The following KIAA0825 variants were observed in gnomAD, a reference collection of about 807,000 sequenced individuals.
KIAA0825 encodes KIAA0825.
Under a neutral mutation model 147.6 loss-of-function variants are expected in KIAA0825, and 119 were observed. The observed-to-expected ratio is 0.81, with a 90% CI of 0.69 to 0.94. KIAA0825 has a LOEUF of 0.94. Ranked by LOEUF, KIAA0825 falls within the 40% of genes least tolerant of loss-of-function variation. The probability of loss-of-function intolerance (pLI) is 0.00; values close to 1 mark genes in which losing one functional copy is unlikely to be tolerated. For missense variants in KIAA0825, 1,381 were observed against 1,472.7 expected (o/e 0.94, Z 1.02); for synonymous variants, 470 against 518.1 (o/e 0.91, Z 1.26).
intron 20 of KIAA0825, among the ~76,000 whole-genome samples, chr5:94,283,115 A>G (rs758800137): frequency 6.6e-5 from 10 of 152,100 alleles, no homozygotes; most frequent in South Asian, 6.2e-4. Context: ...TTCTAAATTC[A>G]GAGACTTTAT....
intron 20 of KIAA0825, among the ~76,000 whole-genome samples, chr5:94,297,289 A>G (rs937754798): frequency 1.3e-5 from 2 of 152,194 alleles, no homozygotes; most frequent in African/African-American, 4.8e-5. Flanking sequence ...TAGTAGATTC[A>G]AAATAACATA....
At chr5:94,440,878 A>G (rs549427449) in intron 13 of KIAA0825, among the ~76,000 whole-genome samples, 1 of 152,220 alleles carries the variant, frequency 6.6e-6, no homozygotes, top group East Asian at 1.9e-4. Context: ...TAAAATTTAG[A>G]TTGGCTAACA....
intron 12 of KIAA0825, among the ~76,000 whole-genome samples, chr5:94,456,458 T>G (rs1043990181): frequency 7.2e-5 from 11 of 152,138 alleles, no homozygotes; most frequent in African/African-American, 2.4e-4. Flanking sequence ...TAACTCTACC[T>G]CCAATCCCTT....
intron 2 of KIAA0825, among the ~76,000 whole-genome samples, chr5:94,555,854 CT>C (rs1252997332): frequency 2.6e-5 from 4 of 152,082 alleles, no homozygotes; most frequent in African/African-American, 9.7e-5. Flanking sequence ...ATTGCTGTAT[CT>C]GTTGAGATTA....
chr5:94,550,794 A>G (rs1255023882), intron 2 of KIAA0825, among the ~76,000 whole-genome samples: 1 of 151,532 alleles, frequency 6.6e-6, no homozygotes, highest in Non-Finnish European at 1.5e-5. Flanking sequence ...GTGAGCCCAG[A>G]TCGCACCACT....
At chr5:94,502,647 A>T (rs1765225296) in intron 5 of KIAA0825, among the ~76,000 whole-genome samples, 1 of 152,196 alleles carries the variant, frequency 6.6e-6, no homozygotes, top group African/African-American at 2.4e-5. Flanking sequence ...TAATTTTTGT[A>T]ATAGAAATGT....
chr5:94,489,233 T>C (rs572090990), intron 5 of KIAA0825, among the ~76,000 whole-genome samples: 3 of 152,246 alleles, frequency 2.0e-5, no homozygotes, highest in African/African-American at 7.2e-5. Context: ...GTAGTCACAG[T>C]GTGAAGGCTA....
At chr5:94,236,516 A>G (rs1403965484) in intron 20 of KIAA0825, among the ~76,000 whole-genome samples, 1 of 152,228 alleles carries the variant, frequency 6.6e-6, no homozygotes, top group Non-Finnish European at 1.5e-5. Flanking sequence ...AAAGACAACA[A>G]AGAATTTAGA....
intron 2 of KIAA0825, among the ~76,000 whole-genome samples, chr5:94,546,144 G>A (rs1774312433): frequency 1.3e-5 from 2 of 152,316 alleles, no homozygotes; most frequent in South Asian, 4.1e-4. Flanking sequence ...GTGGAAAGGG[G>A]AAGGAACAGT....
chr5:94,593,035 G>C, intron 1 of KIAA0825: 1 of 662,088 alleles, frequency 1.5e-6, no homozygotes, highest in Non-Finnish European at 2.9e-6. Flanking sequence ...AAAAAATGTT[G>C]AGTATGTCAG....
chr5:94,604,536 G>A (rs1787121721), intron 1 of KIAA0825, among the ~76,000 whole-genome samples: 1 of 152,006 alleles, frequency 6.6e-6, no homozygotes, highest in Non-Finnish European at 1.5e-5. Flanking sequence ...TCCAGCCTGG[G>A]CGACAGAATG....
Position 94,470,040 on chromosome 5 carries a change from T to C in KIAA0825, c.1793A>G (p.Tyr598Cys). The C allele has an allele frequency of 1.3e-6, 2 of 1,551,658 alleles. No homozygotes were observed. Among genetic ancestry groups the C allele is most frequent in the Non-Finnish European group, 1.7e-6 (2 of 1,146,898 alleles). ...GCTTGTAGCACAAACTCTGACGCAG[T>C]AGTTCGTAACCTGAAACTGTAGAGT... ...INTLQFQVTNYCVRVCATSIL... is the reference protein window; with the variant it reads ...INTLQFQVTNCCVRVCATSIL... The change falls in exon 10 of 21, where the codon TAC becomes TGC. Residue 598 changes from tyrosine to cysteine, a missense_variant. Physicochemically the swap from Tyr to Cys is radical, Grantham distance 194. Coordinates refer to ENST00000682413, the MANE Select transcript of KIAA0825 (RefSeq NM_001145678.3).
intron 1 of KIAA0825, chr5:94,593,438 ATTCT>A: frequency 1.3e-6 from 1 of 742,016 alleles, no homozygotes; most frequent in Non-Finnish European, 2.4e-6. Flanking sequence ...GACACCACAG[ATTCT>A]TCTGAGGTCA....
intron 18 of KIAA0825, among the ~76,000 whole-genome samples, chr5:94,390,527 G>A (rs943412918): frequency 5.3e-5 from 8 of 152,242 alleles, no homozygotes; most frequent in Admixed American, 3.3e-4. Flanking sequence ...CTGAGCTCTC[G>A]TGCCTTAAGG....
chr5:94,270,833 A>C, intron 20 of KIAA0825, among the ~76,000 whole-genome samples: 1 of 152,064 alleles, frequency 6.6e-6, no homozygotes. Context: ...GAGTTTTGGC[A>C]TTGCTCATAA....
At chr5:94,478,688 A>T (rs1289987407) in intron 6 of KIAA0825, among the ~76,000 whole-genome samples, 2 of 152,180 alleles carry the variant, frequency 1.3e-5, no homozygotes, top group East Asian at 1.9e-4. Context: ...ACAAATAAGG[A>T]TCACTTCTAA....
chr5:94,599,503 A>T (rs931251199), intron 1 of KIAA0825, among the ~76,000 whole-genome samples: 1 of 151,394 alleles, frequency 6.6e-6, no homozygotes, highest in African/African-American at 2.4e-5. Context: ...ACAAGATATT[A>T]AAAAAAAACT....
chr5:94,604,078 C>T (rs1435493941), intron 1 of KIAA0825, among the ~76,000 whole-genome samples: 1 of 152,164 alleles, frequency 6.6e-6, no homozygotes, highest in Non-Finnish European at 1.5e-5. Context: ...TCAAATAAAC[C>T]TGATAGATAT....
At chr5:94,170,775 A>G (rs1364326370) in intron 20 of KIAA0825, among the ~76,000 whole-genome samples, 1 of 152,216 alleles carries the variant, frequency 6.6e-6, no homozygotes, top group Admixed American at 6.5e-5. Flanking sequence ...CCAATGTCAC[A>G]AAACAGGCCC....
Sources: gnomAD v4.1 joint callset for allele counts (sites outside exome capture counted in the v4.1 genomes callset) on GRCh38, gnomAD v4.1.1 for gene constraint, MANE v1.5 for transcripts, NCBI Gene and HGNC (gene_info 2026-07-23, HGNC 2026-07-21) for gene names.